LEF1: variants seen among roughly 807,000 people sequenced by gnomAD.
LEF1 encodes the protein lymphoid enhancer-binding factor 1.
A neutral mutation model predicts 51.2 loss-of-function variants in LEF1; 14 were observed. That is an observed-to-expected ratio of 0.27 (90% CI 0.18 to 0.43). The LOEUF (loss-of-function observed/expected upper bound fraction) is 0.43. Among genes scored for constraint, LEF1 ranks in the 20% least tolerant of loss-of-function variants. The pLI, the probability that LEF1 is intolerant of heterozygous loss-of-function variation, is 1.00. For missense variants in LEF1, 386 were observed against 512.0 expected, an observed-to-expected ratio of 0.75 and a Z score of 2.37; for synonymous variants, 185 against 183.2, an observed-to-expected ratio of 1.01 and a Z score of -0.08.
chr4:108,053,670 C>T (rs555669842), intron 11 of LEF1, among the ~76,000 whole-genome samples: 3 of 152,314 alleles, frequency 2.0e-5, no homozygotes, highest in Admixed American at 6.5e-5. Context: ...ATCAGCCTAG[C>T]CCTCTGTGTT....
intron 3 of LEF1, among the ~76,000 whole-genome samples, chr4:108,152,130 T>A (rs1744392446): frequency 6.6e-6 from 1 of 152,186 alleles, no homozygotes; most frequent in Non-Finnish European, 1.5e-5. Flanking sequence ...GTAGTCACTC[T>A]TGACTGACGG....
At chr4:108,103,072 C>T (rs947985393) in intron 3 of LEF1, among the ~76,000 whole-genome samples, 46 of 152,204 alleles carry the variant, frequency 3.0e-4, no homozygotes, top group African/African-American at 9.9e-4. Context: ...TCTAAGAGCA[C>T]GCAGCTCCCG....
chr4:108,048,566 G>T lies in LEF1; in HGVS notation c.*192C>A. 1.7e-6 allele frequency: 1 copy of T among 590,638 alleles called. No homozygotes were observed. Among genetic ancestry groups the T allele is most frequent in the Non-Finnish European group, 2.8e-6 (1 of 361,002 alleles). The allele number at this position is 590,638 out of a possible 1,614,324, so 36.6% of individuals were successfully genotyped here. A position where few individuals can be genotyped will look rare whatever the true frequency, so the allele number is the denominator to read the frequency against. On this transcript the variant is annotated 3_prime_UTR_variant, in exon 12 of 12. Coordinates refer to ENST00000265165, the MANE Select transcript of LEF1 (RefSeq NM_016269.5). ...GCAGTAGACGAAAGAGGGGTTGGCA[G>T]TGATTGTCTTTATGGATCAGCGTCT...
intron 6 of LEF1, among the ~76,000 whole-genome samples, chr4:108,079,937 T>C (rs1739177272): frequency 6.6e-6 from 1 of 152,240 alleles, no homozygotes; most frequent in Non-Finnish European, 1.5e-5. Context: ...CACATCATGT[T>C]TTAAAATCTC....
intron 3 of LEF1, among the ~76,000 whole-genome samples, chr4:108,155,145 GA>G (rs200315058): frequency 0.026 from 3,906 of 151,166 alleles, 156 homozygotes; most frequent in African/African-American, 0.089. Context: ...GATTAAGGGG[GA>G]AAAAAAAATC....
chr4:108,107,872 C>T (rs1004242785), intron 3 of LEF1, among the ~76,000 whole-genome samples: 8 of 151,980 alleles, frequency 5.3e-5, no homozygotes, highest in African/African-American at 1.9e-4. Context: ...AGGCACATAA[C>T]TCAAAAGGAC....
intron 10 of LEF1, among the ~76,000 whole-genome samples, chr4:108,064,129 G>C (rs937657996): frequency 6.6e-6 from 1 of 152,030 alleles, no homozygotes; most frequent in African/African-American, 2.4e-5. Flanking sequence ...ACAGGGTTTG[G>C]GAAACAGTTT....
At chr4:108,057,887 T>TC (rs1211112013) in intron 11 of LEF1, among the ~76,000 whole-genome samples, 17 of 151,130 alleles carry the variant, frequency 1.1e-4, no homozygotes, top group South Asian at 2.1e-4. Context: ...TTTTTTTTTT[T>TC]CCCCGAGACG....
At chr4:108,055,407 T>C (rs1468717365) in intron 11 of LEF1, among the ~76,000 whole-genome samples, 3 of 152,232 alleles carry the variant, frequency 2.0e-5, no homozygotes, top group Non-Finnish European at 2.9e-5. Flanking sequence ...TTCAAATCAA[T>C]TTCAATGTAC....
chr4:108,076,495 C>A (rs1402399750), intron 8 of LEF1, among the ~76,000 whole-genome samples: 1 of 152,122 alleles, frequency 6.6e-6, no homozygotes, highest in Non-Finnish European at 1.5e-5. Flanking sequence ...CCTGCCTCAG[C>A]CTCCCGAGTA....
chr4:108,128,499 G>A (rs562087471), intron 3 of LEF1, among the ~76,000 whole-genome samples: 1 of 149,700 alleles, frequency 6.7e-6, no homozygotes, highest in East Asian at 1.9e-4. Context: ...AAAGCAGACT[G>A]AGGAAGGGCT....
rs58107865 is a variant in LEF1, at chr4:108,140,462, G to C, written c.414+23106C>G. 0.021 allele frequency among the ~76,000 whole-genome samples: 3,223 copies of C among 152,238 alleles called. 239 individuals are homozygous for C. In the East Asian group the frequency reaches 0.25, roughly 12 times the overall value. Reference sequence around the variant, plus strand: ...TTTCGATAACTGCACCCAGGGACCGGAGGGGATTGATTTTTTGTTTTGACT... The same window carrying C: ...TTTCGATAACTGCACCCAGGGACCGCAGGGGATTGATTTTTTGTTTTGACT... On this transcript the variant is annotated intron_variant, in intron 3 of 11. Transcript: ENST00000265165.
intron 3 of LEF1, among the ~76,000 whole-genome samples, chr4:108,146,134 A>G (rs1230333803): frequency 1.3e-5 from 2 of 152,252 alleles, no homozygotes; most frequent in African/African-American, 4.8e-5. Flanking sequence ...TCTCCTGGAC[A>G]TGTTCTCCAT....
At chr4:108,098,431 A>C (rs1288285441) in intron 3 of LEF1, among the ~76,000 whole-genome samples, 2 of 152,160 alleles carry the variant, frequency 1.3e-5, no homozygotes, top group Admixed American at 1.3e-4. Context: ...TTAAATGTTC[A>C]GACTGCAAAT....
intron 3 of LEF1, among the ~76,000 whole-genome samples, chr4:108,114,384 A>T (rs1741711552): frequency 6.6e-6 from 1 of 152,216 alleles, no homozygotes; most frequent in African/African-American, 2.4e-5. Context: ...ATATGATGAT[A>T]ATGATCATCA....
chr4:108,104,745 G>C (rs1312962162), intron 3 of LEF1: 3 of 947,872 alleles, frequency 3.2e-6, no homozygotes, highest in Non-Finnish European at 3.8e-6. Context: ...ATGGCAAAAG[G>C]GCTGTTATTA....
intron 3 of LEF1, among the ~76,000 whole-genome samples, chr4:108,098,341 G>C (rs908299851): frequency 6.6e-6 from 1 of 152,124 alleles, no homozygotes; most frequent in Non-Finnish European, 1.5e-5. Flanking sequence ...TGGGGGTGGG[G>C]TTCGGCAAGC....
Position 108,063,710 on chromosome 4 carries a change from G to A in LEF1, c.1166-47C>T, listed in dbSNP as rs755020980. The A allele has an allele frequency of 3.2e-5, 42 of 1,295,330 alleles. 1 individual carries two copies. The highest frequency in any genetic ancestry group is 4.3e-5 in the Admixed American group (2 of 46,160). The allele number at this position is 1,295,330 out of a possible 1,614,324, so 80.2% of individuals were successfully genotyped here. A position where few individuals can be genotyped will look rare whatever the true frequency, so the allele number is the denominator to read the frequency against. On this transcript the variant is annotated intron_variant, in intron 10 of 11. Coordinates refer to ENST00000265165, the MANE Select transcript of LEF1 (RefSeq NM_016269.5). Reference sequence around the variant, plus strand: ...ACAAATTTTTATTGAAGAGGTTTTTGTACATTCCAAATACGTAGTAGCTAC... The same window carrying A: ...ACAAATTTTTATTGAAGAGGTTTTTATACATTCCAAATACGTAGTAGCTAC...
In LEF1 at chr4:108,105,174, G is replaced by T. The variant is rs937989399; in HGVS notation, c.415-15917C>A. ...TTTTTTAAACTTAAAATTGCATGAA[G>T]AATCCACTTTTTTTTTTTTTTTTTG... On this transcript the variant is annotated intron_variant, in intron 3 of 11. Coordinates refer to ENST00000265165, the MANE Select transcript of LEF1 (RefSeq NM_016269.5). Among the ~76,000 whole-genome samples, 3 of 143,056 alleles carry T rather than the reference G, an allele frequency of 2.1e-5. 1 individual carries two copies. The highest frequency in any genetic ancestry group is 4.0e-4 in the East Asian group (2 of 4,978). 93.9% of individuals were successfully genotyped at this position (143,056 alleles called of 152,430 possible). A position where few individuals can be genotyped will look rare whatever the true frequency, so the allele number is the denominator to read the frequency against.
Sources: allele counts gnomAD v4.1 joint callset (sites outside exome capture counted in the v4.1 genomes callset), GRCh38; gene constraint gnomAD v4.1.1; transcripts MANE v1.5; gene names NCBI Gene and HGNC (gene_info 2026-07-23, HGNC 2026-07-21).